The following GRIK3 variants were observed in gnomAD, a reference collection of about 807,000 sequenced individuals.
GRIK3 encodes glutamate ionotropic receptor kainate type subunit 3.
Under a neutral mutation model 102.5 loss-of-function variants are expected in GRIK3, and 29 were observed. The ratio of observed to expected loss-of-function variants is 0.28; its 90% CI spans 0.21 to 0.39. The LOEUF (loss-of-function observed/expected upper bound fraction) is 0.39, where lower values mean the gene tolerates loss of function less well. Ranked by LOEUF, GRIK3 falls within the 10% of genes least tolerant of loss-of-function variation. The pLI is 1.00. For missense variants in GRIK3, 908 were observed against 1,252.4 expected (o/e 0.73, Z 4.15); for synonymous variants, 511 against 504.9 (o/e 1.01, Z -0.16).
intron 1 of GRIK3, among the ~76,000 whole-genome samples, chr1:37,020,593 C>T (rs1009056219): frequency 4.6e-5 from 7 of 151,900 alleles, no homozygotes; most frequent in African/African-American, 1.7e-4. Flanking sequence ...AGCAGACAAG[C>T]CGTACAAGGC....
intron 1 of GRIK3, among the ~76,000 whole-genome samples, chr1:36,926,537 C>A (rs1166203832): frequency 6.6e-6 from 1 of 152,102 alleles, no homozygotes; most frequent in East Asian, 1.9e-4. Flanking sequence ...ACTACAGGCA[C>A]ACACCACTAT....
chr1:36,947,243 C>T (rs187502041), intron 1 of GRIK3, among the ~76,000 whole-genome samples: 1 of 152,246 alleles, frequency 6.6e-6, no homozygotes, highest in East Asian at 1.9e-4. Flanking sequence ...CATCCTCCTT[C>T]AACCTCACAC....
chr1:36,984,171 T>C (rs139010833), intron 1 of GRIK3, among the ~76,000 whole-genome samples: 1 of 152,210 alleles, frequency 6.6e-6, no homozygotes, highest in Admixed American at 6.5e-5. Context: ...GCCACACACA[T>C]GCTTATGCTC....
intron 3 of GRIK3, among the ~76,000 whole-genome samples, chr1:36,879,297 C>G (rs1368308563): frequency 6.6e-6 from 1 of 151,806 alleles, no homozygotes; most frequent in East Asian, 1.9e-4. Context: ...AGTTGGAGAC[C>G]AGCCTGGGCA....
chr1:36,804,952 C>T lies in GRIK3; in HGVS notation c.2565+35G>A, dbSNP rs374077243. 40 of 1,609,744 alleles carry T rather than the reference C, an allele frequency of 2.5e-5. No individual in the cohort carries two copies. In the African/African-American group the frequency reaches 5.1e-4, roughly 20 times the overall value. ...GTGAAATCAGCGCGAATCTCCATTT[C>T]CCATCCTGTGCAGGCTCCAAGCTCT... On this transcript the variant is annotated intron_variant, in intron 15 of 15. Transcript: ENST00000373091.
rs572963 is a variant in GRIK3 at position 36,945,132 on chromosome 1, C to T, written c.116-54036G>A. On this transcript the variant is annotated intron_variant, in intron 1 of 15. Transcript: ENST00000373091. ...ATGATCACTGGAGCACAAGGGCGGA[C>T]GCCTTTCTCAAGCAGGCCTCATCAA... Among the ~76,000 whole-genome samples the T allele has an allele frequency of 7.1e-3, 1,082 of 152,356 alleles. 12 individuals are homozygous for T. The highest frequency in any genetic ancestry group is 0.023 in the African/African-American group (961 of 41,584).
At chr1:36,824,726 G>C (rs371393092) in intron 11 of GRIK3, among the ~76,000 whole-genome samples, 1 of 152,162 alleles carries the variant, frequency 6.6e-6, no homozygotes, top group South Asian at 2.1e-4. Flanking sequence ...AGAGGGCTCC[G>C]CTGGAAAGGG....
In GRIK3 at chr1:36,872,083, G is replaced by A. The variant is rs930352268; in HGVS notation, c.732+105C>T. Reference sequence around the variant, plus strand: ...CAGCAGGAAAGTGGCAGAGCTAGGAGTCAAACTTAGATCTGGCAGCATCAC... The same window carrying A: ...CAGCAGGAAAGTGGCAGAGCTAGGAATCAAACTTAGATCTGGCAGCATCAC... On this transcript the variant is annotated intron_variant, in intron 4 of 15. Transcript: ENST00000373091. The surrounding 1 kb of genome is among the most constrained non-coding windows in gnomAD (Gnocchi z 5.9). 6 of 1,120,562 alleles carry A rather than the reference G, an allele frequency of 5.4e-6. No individual in the cohort carries two copies. In the Admixed American group the frequency reaches 1.4e-4, roughly 26 times the overall value. The allele number at this position is 1,120,562 out of a possible 1,614,324, so 69.4% of individuals were successfully genotyped here.
intron 1 of GRIK3, among the ~76,000 whole-genome samples, chr1:36,987,889 C>T (rs1642323109): frequency 6.6e-6 from 1 of 152,124 alleles, no homozygotes; most frequent in African/African-American, 2.4e-5. Flanking sequence ...CAGGGACTAC[C>T]CAAGCAGATA....
chr1:36,996,957 C>A (rs775506706), intron 1 of GRIK3, among the ~76,000 whole-genome samples: 14 of 152,128 alleles, frequency 9.2e-5, no homozygotes, highest in African/African-American at 3.1e-4. Flanking sequence ...AGGGATGCTG[C>A]GAAGCATTCT....
chr1:37,005,659 G>A (rs976407504), intron 1 of GRIK3, among the ~76,000 whole-genome samples: 1 of 152,214 alleles, frequency 6.6e-6, no homozygotes, highest in African/African-American at 2.4e-5. Flanking sequence ...GAGCAAAGAC[G>A]TGACAGTGGG....
Position 36,820,625 on chromosome 1 carries a change from G to C in GRIK3, c.1755-771C>G, listed in dbSNP as rs148179849. Among the ~76,000 whole-genome samples the C allele has an allele frequency of 4.7e-4, 72 of 152,190 alleles. 3 individuals carry two copies. Among genetic ancestry groups the C allele is most frequent in the African/African-American group, 1.5e-3 (63 of 41,534 alleles). On this transcript the variant is annotated intron_variant, in intron 11 of 15. Coordinates refer to ENST00000373091, the MANE Select transcript of GRIK3 (RefSeq NM_000831.4). ...TTTTTAAAAGTGAGAACATGCTTTT[G>C]AATTTTGGGTATAATAAAAAACCTT...
chr1:36,829,960 G>C (rs570358483), intron 10 of GRIK3, among the ~76,000 whole-genome samples: 4 of 152,250 alleles, frequency 2.6e-5, no homozygotes, highest in Middle Eastern at 3.4e-3. Context: ...TTAGGACAGG[G>C]GTCCTCCCAA....
At chr1:36,835,244 A>G (rs1420913446) in intron 10 of GRIK3, among the ~76,000 whole-genome samples, 2 of 152,106 alleles carry the variant, frequency 1.3e-5, no homozygotes, top group African/African-American at 2.4e-5. Flanking sequence ...ACAGCATCTC[A>G]ATGCCTGCCC....
chr1:37,033,119 G>A (rs986330246), intron 1 of GRIK3, among the ~76,000 whole-genome samples: 1 of 152,354 alleles, frequency 6.6e-6, no homozygotes, highest in African/African-American at 2.4e-5. Flanking sequence ...GACATGCGCG[G>A]CGCTCAGGCC....
intron 1 of GRIK3, among the ~76,000 whole-genome samples, chr1:36,893,973 T>C (rs1014396194): frequency 6.6e-6 from 1 of 152,248 alleles, no homozygotes; most frequent in African/African-American, 2.4e-5. Flanking sequence ...AATGCCTTTC[T>C]ATATTTTTTC....
chr1:36,884,806 C>T (rs955581633), intron 2 of GRIK3, among the ~76,000 whole-genome samples: 1 of 152,226 alleles, frequency 6.6e-6, no homozygotes, highest in African/African-American at 2.4e-5. Context: ...GCATCTGCCT[C>T]TTAGATTTCC....
chr1:36,801,769 C>T lies in GRIK3; in HGVS notation c.*82G>A, dbSNP rs916767966. On this transcript the variant is annotated 3_prime_UTR_variant, in exon 16 of 16. Coordinates refer to ENST00000373091, the MANE Select transcript of GRIK3 (RefSeq NM_000831.4). The stretch of plus-strand genomic sequence containing the variant: ...GCAGCTCTGGTCCCCAAGCCCAGTG[C>T]GGGGACAGGGGACGTTCCTTCCAAT... 1.2e-5 allele frequency: 15 copies of T among 1,242,018 alleles called. No individual in the cohort carries two copies. The highest frequency in any genetic ancestry group is 5.1e-5 in the Admixed American group (2 of 39,292). 76.9% of individuals were successfully genotyped at this position (1,242,018 alleles called of 1,614,324 possible).
At chr1:37,010,645 A>G (rs1396137228) in intron 1 of GRIK3, among the ~76,000 whole-genome samples, 1 of 151,714 alleles carries the variant, frequency 6.6e-6, no homozygotes, top group Non-Finnish European at 1.5e-5. Context: ...GAAAGCACCC[A>G]GGAGTTGCCC....
Sources: gnomAD v4.1 joint callset for allele counts (sites outside exome capture counted in the v4.1 genomes callset) on GRCh38, gnomAD v4.1.1 for gene constraint, Gnocchi (gnomAD v3.1) non-coding constraint, MANE v1.5 for transcripts, NCBI Gene and HGNC (gene_info 2026-07-23, HGNC 2026-07-21) for gene names.